DPP10: variants seen among roughly 807,000 people sequenced by gnomAD.
The protein encoded by DPP10 is dipeptidyl peptidase like 10, also known as inactive dipeptidyl peptidase 10.
In DPP10, 33 loss-of-function variants were observed where a neutral mutation model predicts 120.9. That is an observed-to-expected ratio of 0.27 (90% CI 0.21 to 0.37). DPP10 has a LOEUF of 0.37. Among genes scored for constraint, DPP10 ranks in the 10% least tolerant of loss-of-function variants. The pLI, the probability that DPP10 is intolerant of heterozygous loss-of-function variation, is 1.00. For missense variants in DPP10, 816 were observed against 942.8 expected (o/e 0.87, Z 1.76); for synonymous variants, 337 against 326.1 (o/e 1.03, Z -0.36).
At chr2:115,528,185 G>C (rs2148905953) in intron 5 of DPP10, among the ~76,000 whole-genome samples, 2 of 151,858 alleles carry the variant, frequency 1.3e-5, no homozygotes, top group South Asian at 4.1e-4. Context: ...GTCCAACAAT[G>C]ATAGACTGGA....
At chr2:115,419,531 C>T (rs2069744104) in intron 3 of DPP10, among the ~76,000 whole-genome samples, 1 of 152,078 alleles carries the variant, frequency 6.6e-6, no homozygotes, top group African/African-American at 2.4e-5. Flanking sequence ...AGGCACCAAG[C>T]CATTCATGAC....
At chr2:115,556,643 C>T (rs59033152) in intron 5 of DPP10, among the ~76,000 whole-genome samples, 2,629 of 152,000 alleles carry the variant, frequency 0.017, 78 homozygotes, top group African/African-American at 0.059. Context: ...TTCAAGCACC[C>T]GTTCTATGCA....
Position 115,785,055 on chromosome 2 carries a change from G to T in DPP10, c.1531+2656G>T, listed in dbSNP as rs201072652. On this transcript the variant is annotated intron_variant, in intron 17 of 25. Coordinates refer to ENST00000410059, the MANE Select transcript of DPP10 (RefSeq NM_020868.6). ...CTTTTAACTCTCAATTCTTCTCTTC[G>T]ATGTTCTCTGGCCTAGAAGTACTTT... Among the ~76,000 whole-genome samples the T allele has an allele frequency of 2.1e-3, 320 of 152,204 alleles. 1 individual carries two copies. The highest frequency in any genetic ancestry group is 7.3e-3 in the African/African-American group (304 of 41,530).
intron 1 of DPP10, among the ~76,000 whole-genome samples, chr2:114,458,028 G>A (rs900809372): frequency 6.6e-6 from 1 of 152,144 alleles, no homozygotes; most frequent in Non-Finnish European, 1.5e-5. Flanking sequence ...GGCAGGCTGA[G>A]GCTGCAGGGT....
At chr2:115,268,469 A>C (rs112630379) in intron 1 of DPP10, among the ~76,000 whole-genome samples, 9,328 of 152,282 alleles carry the variant, frequency 0.061, 332 homozygotes, top group Middle Eastern at 0.11. Flanking sequence ...GCGACTTCCT[A>C]AAATACGATG....
intron 1 of DPP10, among the ~76,000 whole-genome samples, chr2:114,972,376 A>T (rs1264802807): frequency 2.0e-5 from 3 of 152,244 alleles, no homozygotes; most frequent in Non-Finnish European, 4.4e-5. Flanking sequence ...GCACTCTAGC[A>T]CACAATTGAT....
intron 1 of DPP10, among the ~76,000 whole-genome samples, chr2:114,957,687 C>T (rs1698314802): frequency 6.6e-6 from 1 of 152,106 alleles, no homozygotes; most frequent in Non-Finnish European, 1.5e-5. Context: ...AGATGTGGAA[C>T]AGACCTAAGT....
At chr2:115,107,068 C>T (rs1297515673) in intron 1 of DPP10, among the ~76,000 whole-genome samples, 1 of 146,778 alleles carries the variant, frequency 6.8e-6, no homozygotes, top group Non-Finnish European at 1.5e-5. Context: ...GAGCTAGGCT[C>T]TGTCTCAAAA....
chr2:115,737,464 C>T lies in DPP10; in HGVS notation c.698-2275C>T, dbSNP rs1227587722. 2.6e-5 allele frequency among the ~76,000 whole-genome samples: 4 copies of T among 152,128 alleles called. No homozygotes were observed. In the East Asian group the frequency reaches 7.7e-4, roughly 29 times the overall value. On this transcript the variant is annotated intron_variant, in intron 8 of 25. Transcript: ENST00000410059. ...TTGAAATAGATAATATTTTTCAGTA[C>T]AAGCGACAATGATCTTTTTTCAAAT...
intron 1 of DPP10, among the ~76,000 whole-genome samples, chr2:115,200,170 T>C (rs1189092316): frequency 1.3e-5 from 2 of 152,170 alleles, no homozygotes; most frequent in African/African-American, 4.8e-5. Flanking sequence ...CGAACTGCCT[T>C]TTCCAGCTGA....
intron 1 of DPP10, among the ~76,000 whole-genome samples, chr2:115,280,973 T>G (rs1335777089): frequency 2.0e-5 from 3 of 152,194 alleles, no homozygotes; most frequent in African/African-American, 7.2e-5. Flanking sequence ...GTTAATGGTA[T>G]GGAGATGAAA....
intron 3 of DPP10, among the ~76,000 whole-genome samples, chr2:115,486,048 T>C (rs912907379): frequency 6.6e-6 from 1 of 152,158 alleles, no homozygotes; most frequent in Non-Finnish European, 1.5e-5. Context: ...TAAGGGAACA[T>C]ATTAAAATTA....
chr2:114,563,302 G>A (rs975043414), intron 1 of DPP10, among the ~76,000 whole-genome samples: 1 of 151,794 alleles, frequency 6.6e-6, no homozygotes, highest in Non-Finnish European at 1.5e-5. Flanking sequence ...AACCTGGGAG[G>A]CAGAGGTTGC....
At chr2:115,708,816 C>G (rs1326050815) in intron 7 of DPP10, among the ~76,000 whole-genome samples, 1 of 152,016 alleles carries the variant, frequency 6.6e-6, no homozygotes, top group Non-Finnish European at 1.5e-5. Context: ...ATTTACTTGA[C>G]ATTAATAAAT....
chr2:114,637,296 G>C (rs1375868053), intron 1 of DPP10, among the ~76,000 whole-genome samples: 1 of 151,938 alleles, frequency 6.6e-6, no homozygotes, highest in Non-Finnish European at 1.5e-5. Context: ...AGGATAAGCT[G>C]TTTACAAGAT....
Position 115,010,150 on chromosome 2 carries a change from CA to C in DPP10, c.61-299088del, listed in dbSNP as rs776125007. The stretch of plus-strand genomic sequence containing the variant: ...AGTAAAGCTAATCCAGACATCTATG[CA>C]TCAAGTTTGTTATAGGTGGTGACAC... On this transcript the variant is annotated intron_variant, in intron 1 of 25. Transcript: ENST00000410059. 6.2e-4 allele frequency among the ~76,000 whole-genome samples: 94 copies of C among 152,240 alleles called. 1 individual carries two copies. The Middle Eastern group carries it at 0.027, about 44-fold the overall frequency.
intron 1 of DPP10, among the ~76,000 whole-genome samples, chr2:115,243,595 A>T (rs1221435793): frequency 6.6e-6 from 1 of 152,132 alleles, no homozygotes; most frequent in Non-Finnish European, 1.5e-5. Context: ...AGAAAATCTC[A>T]CCATGATCTT....
chr2:115,567,658 A>G (rs2081085510), intron 5 of DPP10, among the ~76,000 whole-genome samples: 1 of 152,114 alleles, frequency 6.6e-6, no homozygotes, highest in Non-Finnish European at 1.5e-5. Flanking sequence ...CAATGCCTTC[A>G]TGGATAACCT....
intron 2 of DPP10, among the ~76,000 whole-genome samples, chr2:115,313,711 T>C (rs2061674988): frequency 6.6e-6 from 1 of 152,244 alleles, no homozygotes; most frequent in Admixed American, 6.5e-5. Context: ...ACATGTGCCT[T>C]AATTTCTAAA....
Sources: allele counts gnomAD v4.1 joint callset (sites outside exome capture counted in the v4.1 genomes callset), GRCh38; gene constraint gnomAD v4.1.1; transcripts MANE v1.5; gene names NCBI Gene and HGNC (gene_info 2026-07-23, HGNC 2026-07-21).